TMEM131: variants seen among roughly 807,000 people sequenced by gnomAD.
The protein encoded by TMEM131 is 2610524E03Rik.
Under a neutral mutation model 211.6 loss-of-function variants are expected in TMEM131, and 66 were observed. That is an observed-to-expected ratio of 0.31 (90% confidence interval 0.26 to 0.38). TMEM131 has a LOEUF of 0.38. Among genes scored for constraint, TMEM131 ranks in the 10% least tolerant of loss-of-function variants. TMEM131 has a pLI of 1.00. For missense variants in TMEM131, 2,036 were observed against 2,299.3 expected (o/e 0.89, Z 2.34); for synonymous variants, 844 against 841.3 (o/e 1.00, Z -0.06).
rs746900732 is a variant in TMEM131 at position 97,758,908 on chromosome 2, C to T, written c.5352G>A (p.Pro1784=). The T allele has an allele frequency of 2.0e-5, 32 of 1,611,094 alleles. No individual in the cohort carries two copies. The South Asian group carries it at 3.0e-4, about 15-fold the overall frequency. The change falls in exon 40 of 41, where the codon CCG becomes CCA. Residue 1784 remains proline, a synonymous_variant. Coordinates refer to ENST00000186436, the MANE Select transcript of TMEM131 (RefSeq NM_015348.2). ...AAGTACTCACTGTGGCTGTGTGGGT[C>T]GGGGAGCCGGAACTGGCTGGCCAGG... ...SPSWPASSGS[P]THTATSVLGN...
chr2:97,759,410 T>A (rs1678693606), intron 39 of TMEM131: 6 of 526,764 alleles, frequency 1.1e-5, no homozygotes, highest in African/African-American at 3.8e-5. Context: ...AGCCCTTCAA[T>A]ACCCGCCATG....
chr2:97,834,718 C>T lies in TMEM131; in HGVS notation c.956-41G>A, dbSNP rs1559389540. 3.1e-6 allele frequency: 5 copies of T among 1,595,656 alleles called. No individual in the cohort carries two copies. In the East Asian group the frequency reaches 8.9e-5, roughly 29 times the overall value. ...AGTCAACAATTATTTTTCACTTTGCCAGAGTAAGCTATACTGAAAACAAAA... is the reference window on the plus strand; with the variant it reads ...AGTCAACAATTATTTTTCACTTTGCTAGAGTAAGCTATACTGAAAACAAAA... On this transcript the variant is annotated intron_variant, in intron 9 of 40. Coordinates refer to ENST00000186436, the MANE Select transcript of TMEM131 (RefSeq NM_015348.2).
At chr2:97,758,712 C>T (rs1678646569) in intron 40 of TMEM131, among the ~76,000 whole-genome samples, 181 bp downstream of exon 40, 3 of 152,260 alleles carry the variant, frequency 2.0e-5, no homozygotes, top group Admixed American at 2.0e-4. Context: ...TGAAGAACAT[C>T]GATCAGTCAT....
At chr2:97,923,636 A>T (rs1410891599) in intron 2 of TMEM131, among the ~76,000 whole-genome samples, 104 of 148,304 alleles carry the variant, frequency 7.0e-4, no homozygotes, top group African/African-American at 2.5e-3. Flanking sequence ...TTTAAAAAAA[A>T]AAAAAAAAAA....
chr2:97,803,644 C>T (rs1281615915), intron 22 of TMEM131, among the ~76,000 whole-genome samples: 2 of 152,184 alleles, frequency 1.3e-5, no homozygotes, highest in East Asian at 1.9e-4. Context: ...CTCTGTAACA[C>T]ACACATAACA....
chr2:97,960,310 T>C (rs1678761830), intron 1 of TMEM131, among the ~76,000 whole-genome samples: 2 of 152,246 alleles, frequency 1.3e-5, no homozygotes, highest in Admixed American at 1.3e-4. Context: ...GTACATTTAC[T>C]AGAAGGCATT....
intron 4 of TMEM131, among the ~76,000 whole-genome samples, chr2:97,866,441 T>C (rs1345424351): frequency 6.6e-6 from 1 of 152,358 alleles, no homozygotes; most frequent in Non-Finnish European, 1.5e-5. Flanking sequence ...CCCTGGTCAG[T>C]ATAGCTAAAG....
At chr2:97,791,962 C>T (rs758381010) in intron 31 of TMEM131, among the ~76,000 whole-genome samples, 1 of 152,118 alleles carries the variant, frequency 6.6e-6, no homozygotes, top group Non-Finnish European at 1.5e-5. Flanking sequence ...ATTTATAAAA[C>T]CAGGTGGTGA....
intron 3 of TMEM131, among the ~76,000 whole-genome samples, chr2:97,889,653 T>TCCA (rs1675301022): frequency 6.6e-6 from 1 of 151,284 alleles, no homozygotes; most frequent in Admixed American, 6.6e-5. Context: ...TGTTTAGATG[T>TCCA]TGGAGAAAAA....
chr2:97,950,380 T>C (rs986205520), intron 1 of TMEM131, among the ~76,000 whole-genome samples: 2 of 152,202 alleles, frequency 1.3e-5, no homozygotes, highest in African/African-American at 4.8e-5. Context: ...TTAAAAACAG[T>C]CAAAGTTTGA....
chr2:97,783,304 T>C (rs1161244943), intron 31 of TMEM131, among the ~76,000 whole-genome samples: 1 of 151,820 alleles, frequency 6.6e-6, no homozygotes, highest in Non-Finnish European at 1.5e-5. Context: ...CCTAAAAAAA[T>C]GGCTGAAGGA....
chr2:97,918,634 T>G (rs1053063427), intron 2 of TMEM131, among the ~76,000 whole-genome samples: 2 of 150,950 alleles, frequency 1.3e-5, no homozygotes, highest in Admixed American at 6.6e-5. Context: ...AAAAGGCGGG[T>G]GGGGGAAATA....
chr2:97,918,482 C>G (rs139802572), intron 2 of TMEM131, among the ~76,000 whole-genome samples: 3 of 152,036 alleles, frequency 2.0e-5, no homozygotes, highest in Non-Finnish European at 4.4e-5. Context: ...CTAGATTTAG[C>G]TAACAGTTTA....
chr2:97,866,297 TC>T (rs1469192240), intron 4 of TMEM131, among the ~76,000 whole-genome samples: 1 of 152,256 alleles, frequency 6.6e-6, no homozygotes, highest in African/African-American at 2.4e-5. Context: ...CGGAAATCTG[TC>T]CATTTCAACT....
intron 29 of TMEM131, 119 bp from the exon 30 acceptor site, chr2:97,793,672 G>T: frequency 9.6e-7 from 1 of 1,040,622 alleles, no homozygotes; most frequent in Non-Finnish European, 1.3e-6. Context: ...AGAAAACCAA[G>T]TTGTCTGTGA....
intron 4 of TMEM131, among the ~76,000 whole-genome samples, chr2:97,870,175 T>C (rs1431464616): frequency 6.6e-6 from 1 of 152,168 alleles, no homozygotes; most frequent in East Asian, 1.9e-4. Flanking sequence ...CAAAGGTCAA[T>C]TGATTTGGGG....
intron 2 of TMEM131, among the ~76,000 whole-genome samples, chr2:97,912,011 C>T (rs1365206225): frequency 1.3e-5 from 2 of 152,054 alleles, no homozygotes; most frequent in Non-Finnish European, 2.9e-5. Context: ...AAGATAAACT[C>T]AACTGTTTAT....
chr2:97,861,547 T>TTC (rs1390126098), intron 4 of TMEM131, among the ~76,000 whole-genome samples: 3 of 151,802 alleles, frequency 2.0e-5, no homozygotes, highest in Non-Finnish European at 4.4e-5. Context: ...TGAAGAGCCC[T>TTC]TGGGCTTTAA....
intron 36 of TMEM131, chr2:97,761,802 C>T (rs1044208771): frequency 1.1e-5 from 5 of 475,476 alleles, no homozygotes; most frequent in African/African-American, 2.0e-5. Context: ...TTTCTCGGTC[C>T]ACAGGTGGTA....
Sources: gnomAD v4.1 joint callset for allele counts (sites outside exome capture counted in the v4.1 genomes callset) on GRCh38, gnomAD v4.1.1 for gene constraint, MANE v1.5 for transcripts, NCBI Gene and HGNC (gene_info 2026-07-23, HGNC 2026-07-21) for gene names.